SLK: variants seen among roughly 807,000 people sequenced by gnomAD.
SLK encodes the protein STE20-like serine/threonine-protein kinase.
In SLK, 67 loss-of-function variants were observed where a neutral mutation model predicts 147.7. That is an observed-to-expected ratio of 0.45 (90% confidence interval 0.37 to 0.56). The LOEUF is 0.56. Ranked by LOEUF, SLK falls within the 20% of genes least tolerant of loss-of-function variation. SLK has a pLI of 0.00. For missense variants in SLK, 1,136 were observed against 1,438.8 expected (o/e 0.79, Z 3.41); for synonymous variants, 441 against 475.0 (o/e 0.93, Z 0.93).
chr10:104,003,273 G>A lies in SLK; in HGVS notation c.2095G>A (p.Val699Ile). The A allele has an allele frequency of 6.2e-7, 1 of 1,613,832 alleles. No individual in the cohort carries two copies. The highest frequency in any genetic ancestry group is 1.1e-5 in the South Asian group (1 of 91,038). The change falls in exon 9 of 19, where the codon GTT becomes ATT. Residue 699 changes from valine to isoleucine, a missense_variant. Val to Ile is a conservative substitution (Grantham distance 29, BLOSUM62 3). This residue lies in a region of SLK where 516 missense variants were observed against 531.3 expected (regional missense o/e 0.97). Transcript: ENST00000369755. ...TAAAAAAGAGCCTGAAGTTACTGTA[G>A]TTTCACAGCCCACTGAACCTCAGCC... ...SIKKEPEVTV[V>I]SQPTEPQPVL...
intron 1 of SLK, among the ~76,000 whole-genome samples, chr10:103,981,360 G>C (rs1843940020): frequency 6.6e-6 from 1 of 152,054 alleles, no homozygotes; most frequent in South Asian, 2.1e-4. Flanking sequence ...ATCAAGTCCA[G>C]TTCCGTGTTT....
rs1255524571 is a variant in SLK at position 104,008,251 on chromosome 10, A to G, written c.2679A>G (p.Glu893=). ...AGAAACAGACTATCGAACGCCTGGA[A>G]CAAGAGCACACAAATCGCTTGCGAG... ...KQQKQTIERL[E]QEHTNRLRDE... Residue 893 remains glutamate (E), a synonymous_variant, in exon 12 of 19, where the codon GAA becomes GAG. Transcript: ENST00000369755. 1.4e-5 allele frequency: 23 copies of G among 1,614,062 alleles called. No homozygotes were observed. Among genetic ancestry groups the G allele is most frequent in the Non-Finnish European group, 1.9e-5 (23 of 1,179,944 alleles).
chr10:103,983,013 G>C (rs1843966531), intron 1 of SLK, among the ~76,000 whole-genome samples: 2 of 151,792 alleles, frequency 1.3e-5, no homozygotes, highest in African/African-American at 4.9e-5. Flanking sequence ...TGGATGAATT[G>C]TTTTCAGGAT....
intron 9 of SLK, among the ~76,000 whole-genome samples, chr10:104,004,325 ACTTT>A (rs1292106152): frequency 6.6e-6 from 1 of 152,112 alleles, no homozygotes; most frequent in Non-Finnish European, 1.5e-5. Context: ...TTTTCAGTTT[ACTTT>A]CTTTCACTGA....
chr10:103,969,025 A>G (rs911207941), intron 1 of SLK, among the ~76,000 whole-genome samples: 1 of 151,924 alleles, frequency 6.6e-6, no homozygotes, highest in Non-Finnish European at 1.5e-5. Context: ...CTGGAGTGCA[A>G]TAGCGCGATC....
At position 104,003,192 on chromosome 10, in the gene SLK, G is replaced by A. The variant is rs375867060; in HGVS notation, c.2014G>A (p.Ala672Thr). Reference sequence around the variant, plus strand: ...GGCTTTAGGAAGTGAAGTTCAGGATGCTTCTAAAGTCACTACTCAGATAGA... The same window carrying A: ...GGCTTTAGGAAGTGAAGTTCAGGATACTTCTAAAGTCACTACTCAGATAGA... The part of the protein sequence containing the change: ...QKALGSEVQD[A>T]SKVTTQIDKE... The change falls in exon 9 of 19, where the codon GCT (alanine) becomes ACT (threonine). Residue 672 changes from alanine (A) to threonine (T), a missense_variant. Physicochemically the swap from Ala to Thr is moderately conservative, Grantham distance 58. Transcript: ENST00000369755. 2.5e-6 allele frequency: 4 copies of A among 1,613,740 alleles called. No homozygotes were observed. The highest frequency in any genetic ancestry group is 3.4e-6 in the Non-Finnish European group (4 of 1,179,926).
At position 104,002,702 on chromosome 10, in the gene SLK, A is replaced by C; in HGVS notation, c.1524A>C (p.Glu508Asp). The stretch of plus-strand genomic sequence containing the variant: ...ATTTAGTTTCTCAAGAGACTGGAGA[A>C]AAAGAGGCAAATATTCAGGCAGTTG... ...TVDLVSQETG[E>D]KEANIQAVDS... The change falls in exon 9 of 19, where the codon GAA becomes GAC. Residue 508 changes from glutamate to aspartate, a missense_variant. Glu to Asp is a conservative substitution (Grantham distance 45). Transcript: ENST00000369755. The C allele has an allele frequency of 6.2e-7, 1 of 1,612,204 alleles. No homozygotes were observed. Among genetic ancestry groups the C allele is most frequent in the Admixed American group, 1.7e-5 (1 of 59,664 alleles).
chr10:104,028,176 G>A lies in SLK; in HGVS notation c.*2456G>A, dbSNP rs1037460212. ...GAGGGGCGCAGACTTCTTTGAAATC[G>A]AAGGGTACAGTCAAATCTACTGCTG... On this transcript the variant is annotated 3_prime_UTR_variant, in exon 19 of 19. Transcript: ENST00000369755. 1 of 152,172 alleles carries A rather than the reference G, an allele frequency of 6.6e-6. No individual in the cohort carries two copies. Among genetic ancestry groups the A allele is most frequent in the African/African-American group, 2.4e-5 (1 of 41,420 alleles). 9.4% of individuals were successfully genotyped at this position (152,172 alleles called of 1,614,324 possible).
At position 103,967,563 on chromosome 10, in the gene SLK, G is replaced by A. The variant is rs1386672865; in HGVS notation, c.-183G>A. 2 of 168,572 alleles carry A rather than the reference G, an allele frequency of 1.2e-5. No homozygotes were observed. Among genetic ancestry groups the A allele is most frequent in the East Asian group, 3.8e-4 (2 of 5,236 alleles). The allele number at this position is 168,572 out of a possible 1,614,324, so 10.4% of individuals were successfully genotyped here. A position where few individuals can be genotyped will look rare whatever the true frequency, so the allele number is the denominator to read the frequency against. On this transcript the variant is annotated 5_prime_UTR_variant, in exon 1 of 19. Coordinates refer to ENST00000369755, the MANE Select transcript of SLK (RefSeq NM_014720.4). ...GGGCCGCTCGCGCAGCACCCCCACC[G>A]CGGGCCGGAGCCCGGGTCGCCGCCC...
chr10:103,967,665 C>A lies in SLK; in HGVS notation c.-81C>A. ...CGCCCGCCGCCGCCAGCCGGGCTCG[C>A]GCGGGAGAGCAGGGAAGAGAAACTT... On this transcript the variant is annotated 5_prime_UTR_variant, in exon 1 of 19. Coordinates refer to ENST00000369755, the MANE Select transcript of SLK (RefSeq NM_014720.4). 7.7e-7 allele frequency: 1 copy of A among 1,295,702 alleles called. No homozygotes were observed. The highest frequency in any genetic ancestry group is 1.0e-6 in the Non-Finnish European group (1 of 977,960). The allele number at this position is 1,295,702 out of a possible 1,614,324, so 80.3% of individuals were successfully genotyped here.
In SLK at chr10:103,999,942, G is replaced by A; in HGVS notation, c.858G>A (p.Leu286=). The change falls in exon 7 of 19, where the codon CTG becomes CTA. Residue 286 remains leucine (L), a synonymous_variant. Transcript: ENST00000369755. ...NVDARWTTSQ[L]LQHPFVTVDS... is the part of the protein sequence containing the mutation. ...ATGCCAGGTGGACTACATCTCAGCT[G>A]CTGCAGGTAAGAGAGTATGACAACA... 1.3e-6 allele frequency: 2 copies of A among 1,485,886 alleles called. No individual in the cohort carries two copies. Among genetic ancestry groups the A allele is most frequent in the South Asian group, 1.2e-5 (1 of 82,034 alleles). The allele number at this position is 1,485,886 out of a possible 1,614,324, so 92.0% of individuals were successfully genotyped here.
At position 104,002,587 on chromosome 10, in the gene SLK, A is replaced by G. The variant is rs1192137229; in HGVS notation, c.1409A>G (p.Glu470Gly). Residue 470 changes from glutamate to glycine, a missense_variant, in exon 9 of 19, where the codon GAG becomes GGG. Physicochemically the swap from Glu to Gly is moderately conservative, Grantham distance 98 (BLOSUM62 -2). Around this residue, in one of 6 missense-constraint regions of SLK, gnomAD observed 516 missense variants for 531.3 expected, o/e 0.97. Coordinates refer to ENST00000369755, the MANE Select transcript of SLK (RefSeq NM_014720.4). ...AATATTGAACATAATCTAAAATCTG[A>G]GGAAGAAAAGGATCAGGAAAAGCAA... ...ETNIEHNLKS[E>G]EEKDQEKQQM... is the part of the protein sequence containing the mutation. 6.2e-7 allele frequency: 1 copy of G among 1,603,658 alleles called. No homozygotes were observed. The highest frequency in any genetic ancestry group is 1.7e-5 in the Admixed American group (1 of 58,648).
chr10:104,019,623 A>G, intron 15 of SLK, 111 bp from the exon 16 acceptor site: 1 of 873,598 alleles, frequency 1.1e-6, no homozygotes, highest in Non-Finnish European at 1.8e-6. Context: ...CACTGCAACA[A>G]GGGAGAGGGT....
chr10:104,020,292 G>T (rs1454026632), intron 16 of SLK, among the ~76,000 whole-genome samples, 196 bp from the exon 17 acceptor site: 1 of 152,206 alleles, frequency 6.6e-6, no homozygotes, highest in African/African-American at 2.4e-5. Flanking sequence ...TAAGCAGATA[G>T]GAGGATCAAG....
Position 104,013,414 on chromosome 10 carries a change from G to A in SLK, c.2877+2506G>A, listed in dbSNP as rs543447130. On this transcript the variant is annotated intron_variant, in intron 13 of 18. Transcript: ENST00000369755. ...TTTGGGGGTGAATTTTAAAAAAGGG[G>A]GTTCTACTAGCTTAAAAAACAACAG... Among the ~76,000 whole-genome samples, 275 of 152,224 alleles carry A rather than the reference G, an allele frequency of 1.8e-3. 2 individuals carry two copies. Among genetic ancestry groups the A allele is most frequent in the Middle Eastern group, 3.4e-3 (1 of 294 alleles).
Position 103,982,938 on chromosome 10 carries a change from C to T in SLK, c.151-7737C>T, listed in dbSNP as rs138501521. ...GACATCTGTTTTTGGGATGGCCTTC[C>T]GCAAGTCACTTAACACTTATACACC... On this transcript the variant is annotated intron_variant, in intron 1 of 18. Transcript: ENST00000369755. 7.2e-5 allele frequency among the ~76,000 whole-genome samples: 11 copies of T among 152,242 alleles called. No homozygotes were observed. In the East Asian group the frequency reaches 1.9e-3, roughly 27 times the overall value.
chr10:104,018,657 T>C (rs757051646), intron 14 of SLK, 127 bp from the exon 15 acceptor site: 5 of 961,566 alleles, frequency 5.2e-6, no homozygotes, highest in Non-Finnish European at 6.2e-6. Context: ...CTTGGACAGC[T>C]CAGAATGTCA....
chr10:103,983,423 A>G (rs1193396801), intron 1 of SLK, among the ~76,000 whole-genome samples: 1 of 152,174 alleles, frequency 6.6e-6, no homozygotes, highest in Non-Finnish European at 1.5e-5. Flanking sequence ...TGTGTTGCTC[A>G]TAGGTTTTGA....
At chr10:103,987,497 A>G (rs1304600500) in intron 1 of SLK, among the ~76,000 whole-genome samples, 1 of 148,180 alleles carries the variant, frequency 6.7e-6, no homozygotes, top group Non-Finnish European at 1.5e-5. Context: ...GTATTTTTGT[A>G]TGTGCATGAA....
Sources: allele counts gnomAD v4.1 joint callset (sites outside exome capture counted in the v4.1 genomes callset), GRCh38; gene constraint gnomAD v4.1.1; regional missense constraint gnomAD v4.1.1; transcripts MANE v1.5; gene names NCBI Gene and HGNC (gene_info 2026-07-23, HGNC 2026-07-21).